The following PCDHGA12 variants were observed in gnomAD, a reference collection of about 807,000 sequenced individuals.
PCDHGA12 encodes the protein protocadherin gamma subfamily A, 12.
PCDHGA12 carries 43 observed loss-of-function variants against 61.1 expected under a neutral mutation model. That is an observed-to-expected ratio of 0.70 (90% confidence interval 0.55 to 0.91). The LOEUF is 0.91. Among genes scored for constraint, PCDHGA12 ranks in the 40% least tolerant of loss-of-function variants. PCDHGA12 has a pLI of 0.00. For missense variants in PCDHGA12, 1,236 were observed against 1,227.7 expected (o/e 1.01, Z -0.10); for synonymous variants, 520 against 542.9 (o/e 0.96, Z 0.59).
chr5:141,489,707 G>A lies in PCDHGA12; in HGVS notation c.2425-5100G>A. 6.2e-7 allele frequency: 1 copy of A among 1,614,194 alleles called. No individual in the cohort carries two copies. Among genetic ancestry groups the A allele is most frequent in the Non-Finnish European group, 8.5e-7 (1 of 1,180,022 alleles). The stretch of plus-strand genomic sequence containing the variant: ...TCTGGGGCACGATTCCCACTGGACA[G>A]TGCCCAGGATCCGGATGTGGGCACC... On this transcript the variant is annotated intron_variant, in intron 1 of 3. Transcript: ENST00000252085. The surrounding 1 kb of genome is among the most constrained non-coding windows in gnomAD (Gnocchi z 4.5).
rs759437302 is a variant in PCDHGA12, at chr5:141,476,861, T to C, written c.2425-17946T>C. On this transcript the variant is annotated intron_variant, in intron 1 of 3. Transcript: ENST00000252085. The surrounding 1 kb of genome is among the most constrained non-coding windows in gnomAD (Gnocchi z 7.6). Reference sequence around the variant, plus strand: ...TGCGCCTGTCTTCAACCAGTCCTTGTACCGGGCGCGCGTCCTGGAGGATGC... The same window carrying C: ...TGCGCCTGTCTTCAACCAGTCCTTGCACCGGGCGCGCGTCCTGGAGGATGC... 6.2e-7 allele frequency: 1 copy of C among 1,613,864 alleles called. No individual in the cohort carries two copies. The highest frequency in any genetic ancestry group is 1.7e-5 in the Admixed American group (1 of 60,034).
rs367744321 is a variant in PCDHGA12, at chr5:141,489,394, C to G, written c.2425-5413C>G. The G allele has an allele frequency of 3.7e-6, 6 of 1,614,008 alleles. No individual in the cohort carries two copies. In the African/African-American group the frequency reaches 6.7e-5, roughly 18 times the overall value. On this transcript the variant is annotated intron_variant, in intron 1 of 3. Transcript: ENST00000252085. The surrounding 1 kb of genome is among the most constrained non-coding windows in gnomAD (Gnocchi z 4.5). ...GCTGGTGGGGAATGTTGCTCAGGATCTGGGCTTAAAGATGACAGATCTGTT... is the reference window on the plus strand; with the variant it reads ...GCTGGTGGGGAATGTTGCTCAGGATGTGGGCTTAAAGATGACAGATCTGTT...
chr5:141,489,150 TAA>T lies in PCDHGA12; in HGVS notation c.2425-5656_2425-5655del. 1.2e-6 allele frequency: 1 copy of T among 862,654 alleles called. No homozygotes were observed. Among genetic ancestry groups the T allele is most frequent in the Non-Finnish European group, 1.7e-6 (1 of 575,074 alleles). The allele number at this position is 862,654 out of a possible 1,614,324, so 53.4% of individuals were successfully genotyped here. On this transcript the variant is annotated intron_variant, in intron 1 of 3. Coordinates refer to ENST00000252085, the MANE Select transcript of PCDHGA12 (RefSeq NM_003735.3). This position sits in a 1 kb window ranked among gnomAD's most constrained non-coding sequence, Gnocchi z 4.5. ...GTTTTTAAGAGGCTGGAAGGAGACA[TAA>T]GAGACTTCAGCTGCTGCATTCCAAG... is the stretch of plus-strand genomic sequence containing the variant.
chr5:141,492,787 G>A (rs1308203463), intron 1 of PCDHGA12, among the ~76,000 whole-genome samples: 2 of 152,254 alleles, frequency 1.3e-5, no homozygotes, highest in Admixed American at 6.5e-5. Context: ...AGCCTCTATA[G>A]GACAGCAGGA....
At position 141,476,090 on chromosome 5, in the gene PCDHGA12, C is replaced by T; in HGVS notation, c.2425-18717C>T. On this transcript the variant is annotated intron_variant, in intron 1 of 3. Coordinates refer to ENST00000252085, the MANE Select transcript of PCDHGA12 (RefSeq NM_003735.3). The surrounding 1 kb of genome is among the most constrained non-coding windows in gnomAD (Gnocchi z 7.6). ...GAAATCTCAGGGACGATCTGGACCC[C>T]GCTGAGAGGAACTGCTTTTGAGTGA... 3 of 1,562,222 alleles carry T rather than the reference C, an allele frequency of 1.9e-6. No individual in the cohort carries two copies. Among genetic ancestry groups the T allele is most frequent in the African/African-American group, 1.4e-5 (1 of 73,764 alleles).
intron 1 of PCDHGA12, among the ~76,000 whole-genome samples, chr5:141,438,606 A>G: frequency 3.6e-5 from 1 of 27,780 alleles, no homozygotes; most frequent in African/African-American, 2.7e-4. Flanking sequence ...ATATATATAT[A>G]TATATATATA....
intron 1 of PCDHGA12, among the ~76,000 whole-genome samples, chr5:141,474,311 G>T (rs1374954373): frequency 1.3e-5 from 2 of 152,134 alleles, no homozygotes. Context: ...AAACTTTAAT[G>T]TGTTTTCAAA....
intron 1 of PCDHGA12, among the ~76,000 whole-genome samples, chr5:141,436,374 G>C (rs2154557079): frequency 6.6e-6 from 1 of 152,248 alleles, no homozygotes; most frequent in East Asian, 1.9e-4. Context: ...TCCAGTTTAA[G>C]CTGAATAGGC....
At chr5:141,456,421 A>C (rs1358944131) in intron 1 of PCDHGA12, among the ~76,000 whole-genome samples, 1 of 152,150 alleles carries the variant, frequency 6.6e-6, no homozygotes, top group Non-Finnish European at 1.5e-5. Context: ...GAAACAATTC[A>C]AGTTATAGTA....
chr5:141,430,782 G>A lies in PCDHGA12; in HGVS notation c.23G>A (p.Arg8Gln), dbSNP rs1220976669. The A allele has an allele frequency of 1.3e-6, 2 of 1,510,858 alleles. No homozygotes were observed. Among genetic ancestry groups the A allele is most frequent in the Non-Finnish European group, 1.8e-6 (2 of 1,130,930 alleles). 93.6% of individuals were successfully genotyped at this position (1,510,858 alleles called of 1,614,324 possible). A position where few individuals can be genotyped will look rare whatever the true frequency, so the allele number is the denominator to read the frequency against. The change falls in exon 1 of 4, where the codon CGG becomes CAG. Residue 8 changes from arginine to glutamine, a missense_variant. By Grantham distance (43) the Arg-to-Gln change is conservative. Coordinates refer to ENST00000252085, the MANE Select transcript of PCDHGA12 (RefSeq NM_003735.3). MIPARLHRDYKGLVLLGI... is the reference protein window; with the variant it reads MIPARLHQDYKGLVLLGI... ...AGAATGATTCCTGCGCGACTGCACC[G>A]GGACTACAAAGGGCTTGTCCTGCTG...
intron 1 of PCDHGA12, among the ~76,000 whole-genome samples, chr5:141,459,690 C>A (rs1338211972): frequency 6.6e-6 from 1 of 152,174 alleles, no homozygotes; most frequent in African/African-American, 2.4e-5. Context: ...ATAAAGCGTT[C>A]CGCTTGCTAC....
rs1275109387 is a variant in PCDHGA12 at position 141,431,924 on chromosome 5, A to G, written c.1165A>G (p.Asn389Asp). The G allele has an allele frequency of 1.1e-5, 17 of 1,614,050 alleles. No homozygotes were observed. Among genetic ancestry groups the G allele is most frequent in the Non-Finnish European group, 1.4e-5 (17 of 1,179,982 alleles). The change falls in exon 1 of 4, where the codon AAT becomes GAT. Residue 389 changes from asparagine to aspartate, a missense_variant. Coordinates refer to ENST00000252085, the MANE Select transcript of PCDHGA12 (RefSeq NM_003735.3). The surrounding 1 kb of genome is among the most constrained non-coding windows in gnomAD (Gnocchi z 4.8). ...NGQVICFIQG[N>D]LPFKLEKSYG... ...ACAGGTGATCTGTTTCATCCAAGGA[A>G]ATCTGCCCTTTAAATTAGAAAAATC... is the stretch of plus-strand genomic sequence containing the variant.
At chr5:141,494,445 A>G (rs1424475551) in intron 1 of PCDHGA12, among the ~76,000 whole-genome samples, 1 of 152,158 alleles carries the variant, frequency 6.6e-6, no homozygotes, top group East Asian at 1.9e-4. Flanking sequence ...TTGCCACTTT[A>G]GGGGGCTTTG....
At position 141,476,675 on chromosome 5, in the gene PCDHGA12, C is replaced by T. The variant is rs2099395961; in HGVS notation, c.2425-18132C>T. On this transcript the variant is annotated intron_variant, in intron 1 of 3. Transcript: ENST00000252085. The surrounding 1 kb of genome is among the most constrained non-coding windows in gnomAD (Gnocchi z 7.6). ...ATACTTTGCGCTTCGCGTGCAGACG[C>T]GGGAGGACAGCACCAAGTACGCGGA... 1.2e-6 allele frequency: 2 copies of T among 1,614,124 alleles called. No homozygotes were observed. The highest frequency in any genetic ancestry group is 8.5e-7 in the Non-Finnish European group (1 of 1,180,062).
chr5:141,497,218 GA>G (rs1172998466), intron 2 of PCDHGA12, among the ~76,000 whole-genome samples: 1 of 149,792 alleles, frequency 6.7e-6, no homozygotes, highest in Non-Finnish European at 1.5e-5. Flanking sequence ...ATGGGGGGGG[GA>G]AGATCAGAGA....
At chr5:141,446,657 A>G (rs2098510367) in intron 1 of PCDHGA12, among the ~76,000 whole-genome samples, 1 of 152,092 alleles carries the variant, frequency 6.6e-6, no homozygotes, top group African/African-American at 2.4e-5. Context: ...TTGTATTTTT[A>G]GTACAAGACA....
intron 1 of PCDHGA12, chr5:141,478,523 G>A: frequency 1.2e-6 from 2 of 1,609,908 alleles, no homozygotes; most frequent in Non-Finnish European, 1.7e-6. Flanking sequence ...GGTGTTGGGT[G>A]CAGAGAGCGC....
chr5:141,494,782 C>T, intron 1 of PCDHGA12, 25 bp from the exon 2 acceptor site: 1 of 1,614,110 alleles, frequency 6.2e-7, no homozygotes. Context: ...GGTACTCAGC[C>T]CCTTTCCCTC....
chr5:141,495,547 C>G (rs2099762038), intron 2 of PCDHGA12, among the ~76,000 whole-genome samples: 1 of 152,228 alleles, frequency 6.6e-6, no homozygotes, highest in South Asian at 2.1e-4. Flanking sequence ...CAGTCTCTAT[C>G]TCGCTTTGCA....
Sources: gnomAD v4.1 joint callset for allele counts (sites outside exome capture counted in the v4.1 genomes callset) on GRCh38, gnomAD v4.1.1 for gene constraint, Gnocchi (gnomAD v3.1) non-coding constraint, MANE v1.5 for transcripts, NCBI Gene and HGNC (gene_info 2026-07-23, HGNC 2026-07-21) for gene names.